Variants in NCLN observed in about 807,000 individuals in gnomAD.
The protein encoded by NCLN is nicalin.
Under a neutral mutation model 69.5 loss-of-function variants are expected in NCLN, and 34 were observed. The ratio of observed to expected loss-of-function variants is 0.49; its 90% CI spans 0.37 to 0.65. The LOEUF (loss-of-function observed/expected upper bound fraction) is 0.65. Ranked by LOEUF, NCLN falls within the 30% of genes least tolerant of loss-of-function variation. The probability of loss-of-function intolerance (pLI) is 0.00; values close to 1 mark genes in which losing one functional copy is unlikely to be tolerated. For synonymous variants in NCLN, 393 were observed against 358.3 expected (o/e 1.10, Z -1.09); for missense variants, 710 against 804.8 (o/e 0.88, Z 1.42).
At chr19:3,197,026 T>C (rs1435398044) in intron 4 of NCLN, among the ~76,000 whole-genome samples, 1 of 152,186 alleles carries the variant, frequency 6.6e-6, no homozygotes, top group Non-Finnish European at 1.5e-5. Context: ...GTGGGGAAAG[T>C]GTCCTGGAGG....
Position 3,192,516 on chromosome 19 carries a change from G to A in NCLN, c.231G>A (p.Ala77=), listed in dbSNP as rs535152024. The change falls in exon 2 of 15, where the codon GCG becomes GCA. Residue 77 remains alanine (A), a synonymous_variant. Transcript: ENST00000246117. The part of the protein sequence containing the change: ...VLNTEARTMA[A]EVLSRRCVLM... ...ACACGGAGGCGCGCACGATGGCGGCGGAGGTGCTGAGCCGCCGCTGCGTGC... is the reference window on the plus strand; with the variant it reads ...ACACGGAGGCGCGCACGATGGCGGCAGAGGTGCTGAGCCGCCGCTGCGTGC... 30 of 1,608,206 alleles carry A rather than the reference G, an allele frequency of 1.9e-5. No individual in the cohort carries two copies. The highest frequency in any genetic ancestry group is 9.0e-5 in the East Asian group (4 of 44,604).
rs368969267 is a variant in NCLN, at chr19:3,206,280, C to A, written c.1354C>A (p.Leu452Met). The change falls in exon 12 of 15, where the codon CTG becomes ATG. Residue 452 changes from leucine to methionine, a missense_variant. Leu to Met is a conservative substitution (Grantham distance 15, BLOSUM62 2). Coordinates refer to ENST00000246117, the MANE Select transcript of NCLN (RefSeq NM_020170.4). ...TEQMQIQQEQ[L>M]DSVMDWLTNQ... ...CCTACAGCAGATCCAGCAGGAGCAG[C>A]TGGACTCGGTGATGGACTGGCTCAC... The A allele has an allele frequency of 9.0e-5, 139 of 1,547,446 alleles. No individual in the cohort carries two copies. The highest frequency in any genetic ancestry group is 1.1e-4 in the Non-Finnish European group (131 of 1,146,610).
At position 3,186,791 on chromosome 19, in the gene NCLN, G is replaced by A. The variant is rs188369805; in HGVS notation, c.184+577G>A. Among the ~76,000 whole-genome samples, 3 of 152,282 alleles carry A rather than the reference G, an allele frequency of 2.0e-5. No homozygotes were observed. The East Asian group carries it at 5.8e-4, about 29-fold the overall frequency. ...CTGCCAGGCTGAGCCACCCGACGCG[G>A]TGGTCCAGCATTCCCCACCCCCTCC... is the stretch of plus-strand genomic sequence containing the variant. On this transcript the variant is annotated intron_variant, in intron 1 of 14. Coordinates refer to ENST00000246117, the MANE Select transcript of NCLN (RefSeq NM_020170.4).
intron 1 of NCLN, among the ~76,000 whole-genome samples, chr19:3,189,325 C>G (rs1161022708): frequency 6.6e-6 from 1 of 152,246 alleles, no homozygotes; most frequent in Non-Finnish European, 1.5e-5. Context: ...TGCCAAAACT[C>G]CTTCATCTGG....
chr19:3,204,673 T>C lies in NCLN; in HGVS notation c.1130T>C (p.Ile377Thr). 2 of 1,608,926 alleles carry C rather than the reference T, an allele frequency of 1.2e-6. No homozygotes were observed. Among genetic ancestry groups the C allele is most frequent in the South Asian group, 2.2e-5 (2 of 90,574 alleles). ...VLAWEHERFA[I>T]RRLPAFTLSH... ...GCCTGGGAGCACGAGCGCTTCGCCA[T>C]CCGCCGACTGCCCGCCTTCACGCTG... The change falls in exon 9 of 15, where the codon ATC becomes ACC. Residue 377 changes from isoleucine (I) to threonine (T), a missense_variant. By Grantham distance (89) the Ile-to-Thr change is moderately conservative. Transcript: ENST00000246117.
At position 3,192,464 on chromosome 19, in the gene NCLN, C is replaced by T. The variant is rs773471052; in HGVS notation, c.185-6C>T. The T allele has an allele frequency of 3.2e-6, 5 of 1,583,226 alleles. No homozygotes were observed. Among genetic ancestry groups the T allele is most frequent in the Non-Finnish European group, 4.3e-6 (5 of 1,169,052 alleles). ...GAGGCTCACGACCCCGCCCCTGTGC[C>T]CACAGGCACACGGAATGCAGTGCTG... On this transcript the variant is annotated splice_polypyrimidine_tract_variant and splice_region_variant and intron_variant, in intron 1 of 14. Transcript: ENST00000246117.
chr19:3,198,478 G>C (rs1599354541), intron 4 of NCLN, among the ~76,000 whole-genome samples: 1 of 147,712 alleles, frequency 6.8e-6, no homozygotes, highest in East Asian at 2.0e-4. Flanking sequence ...CTGCACTCCA[G>C]CCTGGGCGAC....
chr19:3,208,034 C>T lies in NCLN; in HGVS notation c.*346C>T. ...CGATTAAAGAGGAGACGCCGGGACC[C>T]CCTGCCCGATCGCGCGCGGCCTCCG... On this transcript the variant is annotated 3_prime_UTR_variant, in exon 15 of 15. Transcript: ENST00000246117. The T allele has an allele frequency of 3.4e-6, 1 of 289,932 alleles. No homozygotes were observed. Among genetic ancestry groups the T allele is most frequent in the Non-Finnish European group, 6.5e-6 (1 of 152,726 alleles). 18.0% of individuals were successfully genotyped at this position (289,932 alleles called of 1,614,324 possible).
chr19:3,207,994 G>T lies in NCLN; in HGVS notation c.*306G>T. ...GGGAGCCGGCCGCCCTCGGTCTGGT[G>T]TAAGCACACATGCACGATTAAAGAG... On this transcript the variant is annotated 3_prime_UTR_variant, in exon 15 of 15. Transcript: ENST00000246117. 1 of 434,940 alleles carries T rather than the reference G, an allele frequency of 2.3e-6. No individual in the cohort carries two copies. The highest frequency in any genetic ancestry group is 3.7e-5 in the Admixed American group (1 of 27,136). The allele number at this position is 434,940 out of a possible 1,614,324, so 26.9% of individuals were successfully genotyped here. A position where few individuals can be genotyped will look rare whatever the true frequency, so the allele number is the denominator to read the frequency against.
chr19:3,195,559 T>C (rs973700803), intron 3 of NCLN, among the ~76,000 whole-genome samples: 2 of 152,198 alleles, frequency 1.3e-5, no homozygotes, highest in Non-Finnish European at 2.9e-5. Flanking sequence ...GATCATATCT[T>C]ACATACCTAT....
intron 6 of NCLN, among the ~76,000 whole-genome samples, chr19:3,201,921 A>G (rs994409676): frequency 2.0e-5 from 3 of 152,024 alleles, no homozygotes; most frequent in African/African-American, 7.2e-5. Context: ...GGATCCCCTC[A>G]GCCCTGTGTG....
At position 3,209,461 on chromosome 19, in the gene NCLN, C is replaced by T. The variant is rs1427643468; in HGVS notation, c.*1773C>T. 1 of 152,264 alleles carries T rather than the reference C, an allele frequency of 6.6e-6. No homozygotes were observed. The highest frequency in any genetic ancestry group is 1.9e-4 in the East Asian group (1 of 5,194). The allele number at this position is 152,264 out of a possible 1,614,324, so 9.4% of individuals were successfully genotyped here. A position where few individuals can be genotyped will look rare whatever the true frequency, so the allele number is the denominator to read the frequency against. Reference sequence around the variant, plus strand: ...CCAGCATTTTGGAGGGAGCTTCCTTCCTTCCTTCCTGGACAGGTCGTCATG... The same window carrying T: ...CCAGCATTTTGGAGGGAGCTTCCTTTCTTCCTTCCTGGACAGGTCGTCATG... On this transcript the variant is annotated 3_prime_UTR_variant, in exon 15 of 15. Transcript: ENST00000246117.
chr19:3,209,003 A>G lies in NCLN; in HGVS notation c.*1315A>G, dbSNP rs1251116375. 6.6e-6 allele frequency: 1 copy of G among 152,174 alleles called. No homozygotes were observed. Among genetic ancestry groups the G allele is most frequent in the Non-Finnish European group, 1.5e-5 (1 of 68,130 alleles). 9.4% of individuals were successfully genotyped at this position (152,174 alleles called of 1,614,324 possible). A position where few individuals can be genotyped will look rare whatever the true frequency, so the allele number is the denominator to read the frequency against. ...TGCGTGCCGAGCAGGCTTGGTGGGG[A>G]AGGGACTTGAGCTGGGCAAGTCCTG... On this transcript the variant is annotated 3_prime_UTR_variant, in exon 15 of 15. Coordinates refer to ENST00000246117, the MANE Select transcript of NCLN (RefSeq NM_020170.4).
chr19:3,204,277 G>A lies in NCLN; in HGVS notation c.1029+133G>A, dbSNP rs988700781. The A allele has an allele frequency of 2.2e-5, 26 of 1,173,316 alleles. No homozygotes were observed. Among genetic ancestry groups the A allele is most frequent in the Middle Eastern group, 5.6e-4 (2 of 3,570 alleles). The allele number at this position is 1,173,316 out of a possible 1,614,324, so 72.7% of individuals were successfully genotyped here. A position where few individuals can be genotyped will look rare whatever the true frequency, so the allele number is the denominator to read the frequency against. ...CTGAGGGCCACACTGTGTCGGGGTC[G>A]GGCTGGGGTGTTCTGTCCTGGGGTG... On this transcript the variant is annotated intron_variant, in intron 8 of 14. Coordinates refer to ENST00000246117, the MANE Select transcript of NCLN (RefSeq NM_020170.4).
rs1916312125 is a variant in NCLN at position 3,207,759 on chromosome 19, C to G, written c.*71C>G. 1.4e-5 allele frequency: 19 copies of G among 1,401,564 alleles called. No homozygotes were observed. The highest frequency in any genetic ancestry group is 1.8e-5 in the Non-Finnish European group (18 of 993,856). 86.8% of individuals were successfully genotyped at this position (1,401,564 alleles called of 1,614,324 possible). ...GGGGCCGAGCACGAGTGAGTGGACA[C>G]TGCCCCGCCGCGGGCGGCCCTGCAG... On this transcript the variant is annotated 3_prime_UTR_variant, in exon 15 of 15. Coordinates refer to ENST00000246117, the MANE Select transcript of NCLN (RefSeq NM_020170.4).
At chr19:3,198,623 C>A (rs958754174) in intron 4 of NCLN, among the ~76,000 whole-genome samples, 194 bp from the exon 5 acceptor site, 1 of 152,148 alleles carries the variant, frequency 6.6e-6, no homozygotes, top group East Asian at 1.9e-4. Flanking sequence ...CCCGGCTCTA[C>A]CTCCTCCCTG....
At chr19:3,201,653 G>A in intron 6 of NCLN, 27 bp downstream of exon 6, 3 of 1,433,502 alleles carry the variant, frequency 2.1e-6, no homozygotes, top group South Asian at 2.5e-5. Context: ...GCAGGGGGAT[G>A]GGGGTGCGGG....
chr19:3,192,150 T>C, intron 1 of NCLN, among the ~76,000 whole-genome samples: 1 of 152,200 alleles, frequency 6.6e-6, no homozygotes, highest in Admixed American at 6.5e-5. Context: ...ATTGTGCTGC[T>C]GCACTCCGGC....
intron 1 of NCLN, among the ~76,000 whole-genome samples, chr19:3,190,569 G>A (rs566634790): frequency 2.0e-5 from 3 of 152,194 alleles, no homozygotes; most frequent in African/African-American, 4.8e-5. Context: ...CGCAGGCCCC[G>A]GGAAGAGCTG....
Sources: allele counts gnomAD v4.1 joint callset (sites outside exome capture counted in the v4.1 genomes callset), GRCh38; gene constraint gnomAD v4.1.1; transcripts MANE v1.5; gene names NCBI Gene and HGNC (gene_info 2026-07-23, HGNC 2026-07-21).